Variants in FRAS1 observed in about 807,000 individuals in gnomAD.
FRAS1 encodes the protein Fraser extracellular matrix complex subunit 1.
In FRAS1, 290 loss-of-function variants were observed where a neutral mutation model predicts 435.2. The ratio of observed to expected loss-of-function variants is 0.67; its 90% CI spans 0.61 to 0.73. The LOEUF (loss-of-function observed/expected upper bound fraction) is 0.73. FRAS1 is among the 30% of genes least tolerant of loss of function. FRAS1 has a pLI of 0.00. For missense variants in FRAS1, 4,860 were observed against 5,001.5 expected, an observed-to-expected ratio of 0.97 and a Z score of 0.85; for synonymous variants, 1,800 against 1,851.0, an observed-to-expected ratio of 0.97 and a Z score of 0.71.
At chr4:78,494,246 G>A (rs952204927) in intron 59 of FRAS1, among the ~76,000 whole-genome samples, 1 of 151,972 alleles carries the variant, frequency 6.6e-6, no homozygotes, top group Non-Finnish European at 1.5e-5. Flanking sequence ...CATGTAATCT[G>A]TTGCTTCTAA....
At chr4:78,519,280 T>A in intron 66 of FRAS1, 51 bp from the exon 67 acceptor site, 4 of 1,444,118 alleles carry the variant, frequency 2.8e-6, no homozygotes, top group Non-Finnish European at 2.7e-6. Context: ...ATAGTATGTC[T>A]TTTCATCCCA....
intron 2 of FRAS1, among the ~76,000 whole-genome samples, chr4:78,158,566 A>G (rs1022036117): frequency 3.9e-5 from 6 of 152,200 alleles, no homozygotes; most frequent in Non-Finnish European, 1.5e-5. Context: ...AGTGATCACT[A>G]GTTATGGTGC....
chr4:78,171,139 AAACTATG>A (rs1410162622), intron 2 of FRAS1, among the ~76,000 whole-genome samples: 3 of 152,084 alleles, frequency 2.0e-5, no homozygotes, highest in African/African-American at 7.2e-5. Context: ...GATGCCTCAA[AAACTATG>A]AACTCTAACT....
chr4:78,438,730 C>T lies in FRAS1; in HGVS notation c.5366+12C>T, dbSNP rs1734528903. The T allele has an allele frequency of 6.4e-7, 1 of 1,573,378 alleles. No individual in the cohort carries two copies. The highest frequency in any genetic ancestry group is 8.6e-7 in the Non-Finnish European group (1 of 1,158,544). On this transcript the variant is annotated intron_variant, in intron 39 of 73. Transcript: ENST00000512123. Reference sequence around the variant, plus strand: ...AACAAGAAAATCAGGTACATAATCACTTTGTATTATTTGACAGATTCTTAA... The same window carrying T: ...AACAAGAAAATCAGGTACATAATCATTTTGTATTATTTGACAGATTCTTAA...
At chr4:78,243,367 G>A (rs1017430521) in intron 3 of FRAS1, among the ~76,000 whole-genome samples, 4 of 151,926 alleles carry the variant, frequency 2.6e-5, no homozygotes, top group African/African-American at 9.7e-5. Context: ...AAGTAATCTT[G>A]CCCCCAGCGA....
At chr4:78,271,871 A>T (rs1264440125) in intron 9 of FRAS1, among the ~76,000 whole-genome samples, 5 of 152,192 alleles carry the variant, frequency 3.3e-5, no homozygotes, top group Non-Finnish European at 7.3e-5. Flanking sequence ...CTAGTTCTAG[A>T]TCCCTGAGGA....
At chr4:78,434,033 C>G (rs926680157) in intron 38 of FRAS1, among the ~76,000 whole-genome samples, 2 of 152,176 alleles carry the variant, frequency 1.3e-5, no homozygotes, top group Non-Finnish European at 2.9e-5. Flanking sequence ...CTAACTTTCT[C>G]TAAGGGTTGT....
intron 10 of FRAS1, among the ~76,000 whole-genome samples, chr4:78,280,339 T>C (rs1727273716): frequency 1.3e-5 from 2 of 152,134 alleles, no homozygotes; most frequent in African/African-American, 4.8e-5. Context: ...ATCTACAGCA[T>C]GGATATGCTG....
intron 3 of FRAS1, among the ~76,000 whole-genome samples, chr4:78,241,876 A>C (rs1009908504): frequency 6.6e-6 from 1 of 152,274 alleles, no homozygotes; most frequent in East Asian, 1.9e-4. Flanking sequence ...GTTGTCTAGA[A>C]TGATCTAGAC....
intron 5 of FRAS1, among the ~76,000 whole-genome samples, chr4:78,253,064 C>T (rs752023403): frequency 2.7e-4 from 41 of 152,240 alleles, no homozygotes; most frequent in Admixed American, 6.5e-4. Context: ...CAGTCCTTAT[C>T]GCAACCACAT....
At chr4:78,510,877 C>A (rs758788563) in intron 63 of FRAS1, among the ~76,000 whole-genome samples, 6 of 152,184 alleles carry the variant, frequency 3.9e-5, no homozygotes, top group Non-Finnish European at 8.8e-5. Flanking sequence ...AAGCATATTT[C>A]CTCTGTCTCC....
At chr4:78,493,735 C>T (rs1720434110) in intron 59 of FRAS1, among the ~76,000 whole-genome samples, 1 of 151,888 alleles carries the variant, frequency 6.6e-6, no homozygotes, top group South Asian at 2.1e-4. Flanking sequence ...CAGCAAACCA[C>T]CATGACACAT....
chr4:78,462,667 T>C (rs1350639726), intron 47 of FRAS1, among the ~76,000 whole-genome samples: 1 of 152,174 alleles, frequency 6.6e-6, no homozygotes, highest in Non-Finnish European at 1.5e-5. Context: ...TCTGAAGTTG[T>C]TAAATTTTTA....
chr4:78,541,719 G>A lies in FRAS1; in HGVS notation c.*595G>A, dbSNP rs1722059927. 1 of 152,156 alleles carries A rather than the reference G, an allele frequency of 6.6e-6. No individual in the cohort carries two copies. The highest frequency in any genetic ancestry group is 2.1e-4 in the South Asian group (1 of 4,822). 9.4% of individuals were successfully genotyped at this position (152,156 alleles called of 1,614,324 possible). On this transcript the variant is annotated 3_prime_UTR_variant, in exon 74 of 74. Transcript: ENST00000512123. ...GCCCTTTTTACCTGGGGATTTCAGT[G>A]TGCTTAAGTAAAATCCTCTGAAAAC... is the stretch of plus-strand genomic sequence containing the variant.
chr4:78,084,677 T>TTCCG (rs1741059121), intron 2 of FRAS1, among the ~76,000 whole-genome samples: 1 of 152,220 alleles, frequency 6.6e-6, no homozygotes, highest in East Asian at 1.9e-4. Context: ...ATGAAAGATG[T>TTCCG]TCCGTCCTCT....
chr4:78,468,040 G>A (rs1719588208), intron 50 of FRAS1, among the ~76,000 whole-genome samples: 1 of 152,138 alleles, frequency 6.6e-6, no homozygotes, highest in Non-Finnish European at 1.5e-5. Context: ...TCACTGTGTT[G>A]ATTGTTTTCT....
At chr4:78,462,943 T>C (rs1334815797) in intron 47 of FRAS1, among the ~76,000 whole-genome samples, 2 of 152,192 alleles carry the variant, frequency 1.3e-5, no homozygotes, top group Non-Finnish European at 2.9e-5. Context: ...CTTAAATATA[T>C]GAGTCAATGT....
chr4:78,460,344 G>T (rs1247137481), intron 47 of FRAS1, among the ~76,000 whole-genome samples: 1 of 152,162 alleles, frequency 6.6e-6, no homozygotes, highest in African/African-American at 2.4e-5. Flanking sequence ...ACATAGTTTA[G>T]CCAGCAGGTT....
intron 2 of FRAS1, among the ~76,000 whole-genome samples, chr4:78,192,322 T>A (rs1043910538): frequency 6.6e-6 from 1 of 152,194 alleles, no homozygotes; most frequent in African/African-American, 2.4e-5. Flanking sequence ...GATTCCCCCT[T>A]TTTCTATTGA....
Sources: allele counts gnomAD v4.1 joint callset (sites outside exome capture counted in the v4.1 genomes callset), GRCh38; gene constraint gnomAD v4.1.1; transcripts MANE v1.5; gene names NCBI Gene and HGNC (gene_info 2026-07-23, HGNC 2026-07-21).